Variants in F5 observed in about 807,000 individuals in gnomAD.
F5 encodes the protein activated protein c cofactor.
F5 carries 138 observed loss-of-function variants against 216.4 expected under a neutral mutation model. That is an observed-to-expected ratio of 0.64 (90% CI 0.56 to 0.73). The LOEUF is 0.73. F5 is among the 30% of genes least tolerant of loss of function. The probability of loss-of-function intolerance (pLI) is 0.00; values close to 1 mark genes in which losing one functional copy is unlikely to be tolerated. For synonymous variants in F5, 916 were observed against 930.7 expected (o/e 0.98, Z 0.29); for missense variants, 2,403 against 2,674.0 (o/e 0.90, Z 2.24).
At chr1:169,579,938 G>A (rs1189968472) in intron 2 of F5, among the ~76,000 whole-genome samples, 1 of 152,068 alleles carries the variant, frequency 6.6e-6, no homozygotes, top group African/African-American at 2.4e-5. Flanking sequence ...AGCCTAGCAT[G>A]GATCCCTGAT....
rs1294080170 is a variant in F5, at chr1:169,549,991, G to T, written c.1421C>A (p.Ala474Glu). 1.2e-6 allele frequency: 2 copies of T among 1,613,838 alleles called. No individual in the cohort carries two copies. The highest frequency in any genetic ancestry group is 4.5e-5 in the East Asian group (2 of 44,884). The change falls in exon 10 of 25, where the codon GCA (alanine) becomes GAA (glutamate). Residue 474 changes from alanine to glutamate, a missense_variant. Physicochemically the swap from Ala to Glu is moderately radical, Grantham distance 107. Transcript: ENST00000367797. Reference protein sequence around the residue: ...TSGRNNTMIRAVQPGETYTYK... With the variant: ...TSGRNNTMIREVQPGETYTYK... Reference sequence around the variant, plus strand: ...AGTATAGGTTTCCCCTGGTTGAACTGCTCTGATCATGGTGTTGTTCCTGCC... The same window carrying T: ...AGTATAGGTTTCCCCTGGTTGAACTTCTCTGATCATGGTGTTGTTCCTGCC...
intron 22 of F5, among the ~76,000 whole-genome samples, chr1:169,519,140 C>T (rs998549881): frequency 2.0e-5 from 3 of 152,194 alleles, no homozygotes; most frequent in Admixed American, 1.3e-4. Flanking sequence ...AGAAACACAG[C>T]TAGTGAGTGA....
chr1:169,552,454 A>G, intron 8 of F5, 103 bp downstream of exon 8: 2 of 994,704 alleles, frequency 2.0e-6, no homozygotes, highest in Admixed American at 5.1e-5. Context: ...TTGAATTTAA[A>G]ATTATATGAG....
At chr1:169,523,456 A>T in intron 20 of F5, 104 bp from the exon 21 acceptor site, 1 of 1,353,116 alleles carries the variant, frequency 7.4e-7, no homozygotes, top group Non-Finnish European at 1.0e-6. Flanking sequence ...AAGAGCTAGC[A>T]CATAAGATCT....
rs74124510 is a variant in F5, at chr1:169,539,336, G to A, written c.4796+958C>T. Among the ~76,000 whole-genome samples the A allele has an allele frequency of 3.4e-3, 510 of 152,224 alleles. 4 individuals carry two copies. Among genetic ancestry groups the A allele is most frequent in the African/African-American group, 0.012 (500 of 41,510 alleles). The stretch of plus-strand genomic sequence containing the variant: ...ACAAGGGAGTGGGTAAAGCAACTCC[G>A]AATGCCATAAAAGTGGGTTGTGAGC... On this transcript the variant is annotated intron_variant, in intron 13 of 24. Coordinates refer to ENST00000367797, the MANE Select transcript of F5 (RefSeq NM_000130.5).
Position 169,529,662 on chromosome 1 carries a change from G to A in F5, c.5365C>T (p.Arg1789Ter), listed in dbSNP as rs201790842. ...GAGGATGTGAGTCTCCAAGAACTTC[G>A]GGACTTCTTTTCATAGTACCAGCTC... is the stretch of plus-strand genomic sequence containing the variant. ...KKSWYYEKKS[R>*]SSWRLTSSEM... Residue 1789 changes from arginine (R) to a stop codon, truncating the protein, a stop_gained, in exon 16 of 25, where the codon CGA becomes TGA. Transcript: ENST00000367797. LOFTEE classifies it high-confidence loss of function. 4 of 1,613,624 alleles carry A rather than the reference G, an allele frequency of 2.5e-6. No individual in the cohort carries two copies. Among genetic ancestry groups the A allele is most frequent in the Non-Finnish European group, 1.7e-6 (2 of 1,179,816 alleles).
At chr1:169,561,881 G>A (rs890644009) in intron 3 of F5, among the ~76,000 whole-genome samples, 8 of 151,818 alleles carry the variant, frequency 5.3e-5, no homozygotes, top group Admixed American at 1.3e-4. Context: ...TTTGAAAACT[G>A]AAATGATTAA....
At chr1:169,585,382 T>C (rs148937683) in intron 1 of F5, among the ~76,000 whole-genome samples, 50 of 152,280 alleles carry the variant, frequency 3.3e-4, no homozygotes, top group Non-Finnish European at 6.6e-4. Context: ...TGAAGTGTGA[T>C]GTAAGGAAAA....
At position 169,523,310 on chromosome 1, in the gene F5, G is replaced by A; in HGVS notation, c.5935C>T (p.Gln1979Ter). 1 of 1,614,052 alleles carries A rather than the reference G, an allele frequency of 6.2e-7. No individual in the cohort carries two copies. Among genetic ancestry groups the A allele is most frequent in the East Asian group, 2.2e-5 (1 of 44,868 alleles). ...GACTTCAGGTAGTGTTTGGCACCTT[G>A]GGTCTGGATCCCTGTGATTATGACT... is the stretch of plus-strand genomic sequence containing the variant. ...KEVIITGIQT[Q>*]GAKHYLKSCY... The change falls in exon 21 of 25, where the codon CAA (glutamine) becomes TAA (stop). Residue 1979 changes from glutamine to a stop codon, truncating the protein, a stop_gained. Transcript: ENST00000367797. LOFTEE classifies it high-confidence loss of function.
chr1:169,547,340 A>G (rs1050229441), intron 10 of F5, among the ~76,000 whole-genome samples: 2 of 152,266 alleles, frequency 1.3e-5, no homozygotes, highest in African/African-American at 2.4e-5. Flanking sequence ...AAATTGTCAA[A>G]TGGGATTTAA....
At chr1:169,560,420 A>G (rs1355471368) in intron 4 of F5, 134 bp downstream of exon 4, 4 of 788,506 alleles carry the variant, frequency 5.1e-6, no homozygotes, top group Admixed American at 2.1e-5. Context: ...TCAAACAATG[A>G]TCTGGTCTCC....
rs754154563 is a variant in F5, at chr1:169,541,390, C to G, written c.3700G>C (p.Asp1234His). 3 of 1,612,668 alleles carry G rather than the reference C, an allele frequency of 1.9e-6. No homozygotes were observed. The highest frequency in any genetic ancestry group is 3.3e-4 in the Middle Eastern group (2 of 6,060). ...PALGQMPISPDLSHTTLSPDL... is the reference protein window; with the variant it reads ...PALGQMPISPHLSHTTLSPDL... ...GGAGAAAGGGTTGTATGGCTGAGGTCTGGAGAAATGGGCATCTGACCGAGG... is the reference window on the plus strand; with the variant it reads ...GGAGAAAGGGTTGTATGGCTGAGGTGTGGAGAAATGGGCATCTGACCGAGG... Residue 1234 changes from aspartate (D) to histidine (H), a missense_variant, in exon 13 of 25, where the codon GAC becomes CAC. Physicochemically the swap from Asp to His is moderately conservative, Grantham distance 81 (BLOSUM62 -1). This residue lies in a region of F5 where 1,425 missense variants were observed against 1,554.8 expected (regional missense o/e 0.92). Transcript: ENST00000367797.
At chr1:169,560,870 T>G (rs781151567) in intron 3 of F5, 104 bp from the exon 4 acceptor site, 3 of 932,188 alleles carry the variant, frequency 3.2e-6, no homozygotes, top group Non-Finnish European at 3.5e-6. Flanking sequence ...TGGAGATGCA[T>G]ATGTCCTTCA....
chr1:169,515,565 A>G lies in F5; in HGVS notation c.6407T>C (p.Ile2136Thr), dbSNP rs892889950. ...DLLKIKKITA[I>T]ITQGCKSLSS... is the part of the protein sequence containing the mutation. ...CAGAGACTTGCAGCCCTGTGTTATA[A>G]TTGCCGTTATCTTCTTGATCTTGAG... is the stretch of plus-strand genomic sequence containing the variant. The change falls in exon 24 of 25, where the codon ATT becomes ACT. Residue 2136 changes from isoleucine to threonine, a missense_variant. This residue lies in a region of F5 where 659 missense variants were observed against 787.9 expected (regional missense o/e 0.84). Transcript: ENST00000367797. 27 of 1,613,398 alleles carry G rather than the reference A, an allele frequency of 1.7e-5. No individual in the cohort carries two copies. Among genetic ancestry groups the G allele is most frequent in the Non-Finnish European group, 2.2e-5 (26 of 1,179,690 alleles).
chr1:169,551,964 A>G (rs765870023), intron 8 of F5, among the ~76,000 whole-genome samples: 3 of 152,208 alleles, frequency 2.0e-5, no homozygotes, highest in Non-Finnish European at 2.9e-5. Context: ...AATTGTTTCT[A>G]TTCAATTGTG....
At chr1:169,551,396 G>A (rs1446278901) in intron 8 of F5, among the ~76,000 whole-genome samples, 2 of 152,236 alleles carry the variant, frequency 1.3e-5, no homozygotes, top group African/African-American at 4.8e-5. Flanking sequence ...GTTGCAGTGA[G>A]CCATGATCAC....
chr1:169,516,015 G>T (rs186920183), intron 23 of F5, among the ~76,000 whole-genome samples: 8 of 152,194 alleles, frequency 5.3e-5, no homozygotes, highest in African/African-American at 1.9e-4. Flanking sequence ...TAAATTATCT[G>T]TGAATATTAT....
At position 169,529,666 on chromosome 1, in the gene F5, C is replaced by A; in HGVS notation, c.5361G>T (p.Lys1787Asn). ...ATGTGAGTCTCCAAGAACTTCGGGA[C>A]TTCTTTTCATAGTACCAGCTCTTCT... ...DEKKSWYYEKKSRSSWRLTSS... is the reference protein window; with the variant it reads ...DEKKSWYYEKNSRSSWRLTSS... The change falls in exon 16 of 25, where the codon AAG becomes AAT. Residue 1787 changes from lysine (K) to asparagine (N), a missense_variant. Lys to Asn is a moderately conservative substitution (Grantham distance 94). Around this residue, in one of 4 missense-constraint regions of F5, gnomAD observed 659 missense variants for 787.9 expected, o/e 0.84. Coordinates refer to ENST00000367797, the MANE Select transcript of F5 (RefSeq NM_000130.5). The A allele has an allele frequency of 1.2e-6, 2 of 1,613,850 alleles. No homozygotes were observed. The highest frequency in any genetic ancestry group is 1.7e-6 in the Non-Finnish European group (2 of 1,179,814).
chr1:169,529,713 G>A lies in F5; in HGVS notation c.5314C>T (p.Leu1772=). ...TTCTTTTCATCAAAGGTCATAAATAGTAAGACAAATTCTCTCATGTCCATA... is the reference window on the plus strand; with the variant it reads ...TTCTTTTCATCAAAGGTCATAAATAATAAGACAAATTCTCTCATGTCCATA... ...MPMDMREFVL[L]FMTFDEKKSW... Residue 1772 remains leucine, a synonymous_variant, in exon 16 of 25, where the codon CTA becomes TTA. Transcript: ENST00000367797. 1.9e-6 allele frequency: 3 copies of A among 1,613,780 alleles called. No homozygotes were observed. Among genetic ancestry groups the A allele is most frequent in the Non-Finnish European group, 2.5e-6 (3 of 1,179,788 alleles).
Sources: allele counts gnomAD v4.1 joint callset (sites outside exome capture counted in the v4.1 genomes callset), GRCh38; gene constraint gnomAD v4.1.1; regional missense constraint gnomAD v4.1.1; transcripts MANE v1.5; gene names NCBI Gene and HGNC (gene_info 2026-07-23, HGNC 2026-07-21).